KNL1: variants seen among roughly 807,000 people sequenced by gnomAD.
The protein encoded by KNL1 is outer kinetochore KNL1 complex subunit KNL1.
A neutral mutation model predicts 201.3 loss-of-function variants in KNL1; 66 were observed. The ratio of observed to expected loss-of-function variants is 0.33; its 90% CI spans 0.27 to 0.40. The LOEUF is 0.40. Ranked by LOEUF, KNL1 falls within the 10% of genes least tolerant of loss-of-function variation. KNL1 has a pLI of 1.00. For missense variants in KNL1, 2,815 were observed against 2,690.5 expected, an observed-to-expected ratio of 1.05 and a Z score of -1.02; for synonymous variants, 895 against 899.2, an observed-to-expected ratio of 1.00 and a Z score of 0.08.
intron 7 of KNL1, among the ~76,000 whole-genome samples, chr15:40,613,361 C>T (rs1207423159): frequency 1.3e-5 from 2 of 151,908 alleles, no homozygotes; most frequent in African/African-American, 2.4e-5. Context: ...AGTAAGATTG[C>T]CTACAGAGAA....
At chr15:40,636,954 A>G (rs1893072152) in intron 13 of KNL1, among the ~76,000 whole-genome samples, 2 of 152,172 alleles carry the variant, frequency 1.3e-5, no homozygotes, top group South Asian at 4.1e-4. Flanking sequence ...TAAAAAGGTG[A>G]AGACTCTTAT....
In KNL1 at chr15:40,625,537, A is replaced by G. The variant is rs375582159; in HGVS notation, c.5273A>G (p.Asn1758Ser). Reference protein sequence around the residue: ...PYENKMGKTCNSQKRTWVQEE... With the variant: ...PYENKMGKTCSSQKRTWVQEE... Reference sequence around the variant, plus strand: ...GAAAATAAAATGGGAAAAACTTGCAATAGCCAAAAAAGAACGTGGGTACAA... The same window carrying G: ...GAAAATAAAATGGGAAAAACTTGCAGTAGCCAAAAAAGAACGTGGGTACAA... Residue 1758 changes from asparagine to serine, a missense_variant, in exon 10 of 26, where the codon AAT becomes AGT. Physicochemically the swap from Asn to Ser is conservative, Grantham distance 46. Around this residue, in one of 3 missense-constraint regions of KNL1, gnomAD observed 2,464 missense variants for 2,291.7 expected, o/e 1.08. Coordinates refer to ENST00000399668, the MANE Select transcript of KNL1 (RefSeq NM_144508.5). 1.1e-4 allele frequency: 171 copies of G among 1,608,590 alleles called. No individual in the cohort carries two copies. Among genetic ancestry groups the G allele is most frequent in the Non-Finnish European group, 1.3e-4 (158 of 1,178,754 alleles).
intron 21 of KNL1, 32 bp from the exon 22 acceptor site, chr15:40,654,877 T>C (rs752904018): frequency 1.3e-6 from 2 of 1,577,128 alleles, no homozygotes; most frequent in South Asian, 1.1e-5. Context: ...TCTAAAAAAA[T>C]TTTTAAAAAT....
At chr15:40,658,542 AAAAAG>A (rs1461879092) in intron 24 of KNL1, among the ~76,000 whole-genome samples, 1 of 112,690 alleles carries the variant, frequency 8.9e-6, no homozygotes, top group Non-Finnish European at 1.9e-5. Context: ...AAAAAAAAAA[AAAAAG>A]AGAGAATCTG....
At chr15:40,628,717 A>G (rs540380407) in intron 12 of KNL1, 39 bp downstream of exon 12, 1 of 1,368,172 alleles carries the variant, frequency 7.3e-7, no homozygotes, top group Admixed American at 2.0e-5. Context: ...ATTTATAAAG[A>G]AAAGAGGTTT....
At chr15:40,625,716 C>T (rs769204069) in intron 10 of KNL1, 76 bp downstream of exon 10, 1 of 1,146,728 alleles carries the variant, frequency 8.7e-7, no homozygotes, top group East Asian at 2.4e-5. Context: ...TGGGTATTCT[C>T]AAATTTTAAT....
rs754454212 is a variant in KNL1, at chr15:40,659,417, T to C, written c.6792T>C (p.Ser2264=). Residue 2264 remains serine, a synonymous_variant, in exon 25 of 26, where the codon TCT becomes TCC. Transcript: ENST00000399668. ...TGTTTCTCTCAGCCTATTATCCATC[T>C]GTACCATTACCTTCCACCATTCAGA... The part of the protein sequence containing the change: ...ITLFLSAYYP[S]VPLPSTIQNH... The C allele has an allele frequency of 3.1e-6, 5 of 1,613,954 alleles. No homozygotes were observed. The highest frequency in any genetic ancestry group is 4.2e-6 in the Non-Finnish European group (5 of 1,179,786).
chr15:40,614,627 C>T (rs1423252199), intron 7 of KNL1, among the ~76,000 whole-genome samples: 1 of 152,116 alleles, frequency 6.6e-6, no homozygotes, highest in African/African-American at 2.4e-5. Context: ...TGTCCAAGTG[C>T]ATGTTTAGCT....
chr15:40,622,733 T>C lies in KNL1; in HGVS notation c.2469T>C (p.Cys823=). The C allele has an allele frequency of 6.2e-7, 1 of 1,600,616 alleles. No individual in the cohort carries two copies. The highest frequency in any genetic ancestry group is 8.5e-7 in the Non-Finnish European group (1 of 1,175,330). ...IEKSGVLKSN[C]IMDVLEDESV... ...AAAGTGGAGTGCTTAAATCTAACTG[T>C]ATTATGGATGTGTTAGAGGACGAAA... Residue 823 remains cysteine (C), a synonymous_variant, in exon 10 of 26, where the codon TGT becomes TGC. Coordinates refer to ENST00000399668, the MANE Select transcript of KNL1 (RefSeq NM_144508.5).
At chr15:40,618,622 G>T (rs1347044612) in intron 8 of KNL1, among the ~76,000 whole-genome samples, 1 of 151,898 alleles carries the variant, frequency 6.6e-6, no homozygotes, top group Non-Finnish European at 1.5e-5. Context: ...ATAATTATTG[G>T]TCTCTCTGTC....
At chr15:40,610,689 C>A (rs548484930) in intron 6 of KNL1, 3 of 452,648 alleles carry the variant, frequency 6.6e-6, no homozygotes, top group Non-Finnish European at 1.3e-5. Context: ...GACTCTGTCT[C>A]AAAAACAAAA....
rs58999866 is a variant in KNL1 at position 40,597,929 on chromosome 15, T to C, written c.-18+3537T>C. Among the ~76,000 whole-genome samples, 990 of 152,204 alleles carry C rather than the reference T, an allele frequency of 6.5e-3. 12 individuals are homozygous for C. Among genetic ancestry groups the C allele is most frequent in the African/African-American group, 0.023 (942 of 41,540 alleles). On this transcript the variant is annotated intron_variant, in intron 1 of 25. Transcript: ENST00000399668. ...GCTCACGCCTGTCATCCCAGCACTT[T>C]GGGAGGCCGAGGCGGGCAGATCACT...
chr15:40,628,016 TA>T, intron 10 of KNL1, 53 bp from the exon 11 acceptor site: 1 of 1,204,766 alleles, frequency 8.3e-7, no homozygotes, highest in Non-Finnish European at 1.1e-6. Context: ...GTGTTTGTCG[TA>T]AGTATACAGT....
rs763424337 is a variant in KNL1, at chr15:40,629,392, A to G, written c.5682+21A>G. 13 of 1,507,000 alleles carry G rather than the reference A, an allele frequency of 8.6e-6. No homozygotes were observed. The Admixed American group carries it at 2.4e-4, about 27-fold the overall frequency. 93.4% of individuals were successfully genotyped at this position (1,507,000 alleles called of 1,614,324 possible). A position where few individuals can be genotyped will look rare whatever the true frequency, so the allele number is the denominator to read the frequency against. On this transcript the variant is annotated intron_variant, in intron 13 of 25. Transcript: ENST00000399668. ...GCAATGTAAGTGCAGTTTCTTGGCA[A>G]AATGTTTGCATCAAAGCAAACATTT...
In KNL1 at chr15:40,622,074, C is replaced by A; in HGVS notation, c.1810C>A (p.Gln604Lys). The A allele has an allele frequency of 6.2e-7, 1 of 1,614,018 alleles. No individual in the cohort carries two copies. Among genetic ancestry groups the A allele is most frequent in the Non-Finnish European group, 8.5e-7 (1 of 1,179,940 alleles). ...APESTSESHS[Q>K]SKSSSDECEE... ...GGAGAGTACCAGTGAATCTCACTCT[C>A]AGAGCAAAAGCTCTTCAGATGAATG... Residue 604 changes from glutamine to lysine, a missense_variant, in exon 10 of 26, where the codon CAG becomes AAG. Coordinates refer to ENST00000399668, the MANE Select transcript of KNL1 (RefSeq NM_144508.5).
At chr15:40,637,884 T>A (rs1413242960) in intron 13 of KNL1, among the ~76,000 whole-genome samples, 1 of 149,784 alleles carries the variant, frequency 6.7e-6, no homozygotes, top group Non-Finnish European at 1.5e-5. Flanking sequence ...AAAAAAAAAA[T>A]CCAAAATACT....
In KNL1 at chr15:40,622,691, T is replaced by C; in HGVS notation, c.2427T>C (p.Gly809=). The C allele has an allele frequency of 6.3e-7, 1 of 1,591,414 alleles. No homozygotes were observed. The highest frequency in any genetic ancestry group is 8.5e-7 in the Non-Finnish European group (1 of 1,171,560). ...TAGCTGTAAAAGTTGAAAAATGTGGTAAAAGTCCCATAGAAAAAAGTGGAG... is the reference window on the plus strand; with the variant it reads ...TAGCTGTAAAAGTTGAAAAATGTGGCAAAAGTCCCATAGAAAAAAGTGGAG... ...RQIAVKVEKC[G]KSPIEKSGVL... is the part of the protein sequence containing the mutation. Residue 809 remains glycine (G), a synonymous_variant, in exon 10 of 26, where the codon GGT becomes GGC. Transcript: ENST00000399668.
At position 40,640,915 on chromosome 15, in the gene KNL1, A is replaced by G. The variant is rs969047978; in HGVS notation, c.5686A>G (p.Thr1896Ala). ...GGGACTGAATTTTTTTTTCCAGTTTACTGTAAACACACCACCTACTCCAGA... is the reference window on the plus strand; with the variant it reads ...GGGACTGAATTTTTTTTTCCAGTTTGCTGTAAACACACCACCTACTCCAGA... ...PRQSNLPGNF[T>A]VNTPPTPEDL... The change falls in exon 14 of 26, where the codon ACT becomes GCT. Residue 1896 changes from threonine to alanine, a missense_variant. Around this residue, in one of 3 missense-constraint regions of KNL1, gnomAD observed 2,464 missense variants for 2,291.7 expected, o/e 1.08. Coordinates refer to ENST00000399668, the MANE Select transcript of KNL1 (RefSeq NM_144508.5). 3.7e-6 allele frequency: 6 copies of G among 1,601,066 alleles called. No homozygotes were observed. Among genetic ancestry groups the G allele is most frequent in the Non-Finnish European group, 5.1e-6 (6 of 1,170,420 alleles).
chr15:40,653,205 T>A (rs564691063), intron 21 of KNL1, among the ~76,000 whole-genome samples: 197 of 152,288 alleles, frequency 1.3e-3, no homozygotes, highest in African/African-American at 4.6e-3. Context: ...TTATTTATTT[T>A]TTTGAGACAG....
Sources: allele counts gnomAD v4.1 joint callset (sites outside exome capture counted in the v4.1 genomes callset), GRCh38; gene constraint gnomAD v4.1.1; regional missense constraint gnomAD v4.1.1; transcripts MANE v1.5; gene names NCBI Gene and HGNC (gene_info 2026-07-23, HGNC 2026-07-21).